The following RIMS2 variants were observed in gnomAD, a reference collection of about 807,000 sequenced individuals.
RIMS2 encodes the protein regulating synaptic membrane exocytosis 2.
RIMS2 carries 59 observed loss-of-function variants against 174.4 expected under a neutral mutation model. The observed-to-expected ratio is 0.34, with a 90% confidence interval of 0.27 to 0.42. RIMS2 has a LOEUF of 0.42. Among genes scored for constraint, RIMS2 ranks in the 10% least tolerant of loss-of-function variants. The pLI is 1.00. For missense variants in RIMS2, 1,620 were observed against 1,666.3 expected, an observed-to-expected ratio of 0.97 and a Z score of 0.48; for synonymous variants, 606 against 572.5, an observed-to-expected ratio of 1.06 and a Z score of -0.84.
chr8:103,726,945 G>T (rs1396714481), intron 2 of RIMS2, among the ~76,000 whole-genome samples: 1 of 151,178 alleles, frequency 6.6e-6, no homozygotes, highest in South Asian at 2.1e-4. Context: ...CACCATGTTG[G>T]CCAGGCTGAT....
At chr8:103,917,251 A>G (rs2076787745) in intron 8 of RIMS2, among the ~76,000 whole-genome samples, 1 of 152,162 alleles carries the variant, frequency 6.6e-6, no homozygotes, top group Non-Finnish European at 1.5e-5. Flanking sequence ...GCCTACAGAA[A>G]TCCTTTGTTG....
intron 19 of RIMS2, among the ~76,000 whole-genome samples, chr8:104,057,524 A>T (rs1431727790): frequency 6.6e-6 from 1 of 152,066 alleles, no homozygotes; most frequent in Non-Finnish European, 1.5e-5. Context: ...TAATCAACTT[A>T]TATCCAAAAT....
At chr8:104,212,663 CAA>C (rs142940948) in intron 19 of RIMS2, among the ~76,000 whole-genome samples, 224 of 152,272 alleles carry the variant, frequency 1.5e-3, no homozygotes, top group African/African-American at 5.0e-3. Context: ...TTTCTTTACT[CAA>C]GAGAACAGTA....
intron 2 of RIMS2, among the ~76,000 whole-genome samples, chr8:103,717,651 A>G (rs776785459): frequency 6.6e-6 from 1 of 152,194 alleles, no homozygotes; most frequent in Non-Finnish European, 1.5e-5. Flanking sequence ...TTTAGAAATG[A>G]CTTTTATGCA....
At chr8:103,526,628 T>A (rs1420320921) in intron 1 of RIMS2, among the ~76,000 whole-genome samples, 1 of 152,014 alleles carries the variant, frequency 6.6e-6, no homozygotes, top group Non-Finnish European at 1.5e-5. Context: ...AAAAAAGAAC[T>A]GAAAAAGGTA....
intron 19 of RIMS2, among the ~76,000 whole-genome samples, chr8:104,147,471 AAC>A (rs2098650971): frequency 6.6e-6 from 1 of 152,206 alleles, no homozygotes; most frequent in African/African-American, 2.4e-5. Flanking sequence ...TAGGATAGAA[AAC>A]ACTTTTTTTT....
At chr8:104,222,498 A>G (rs1214923730) in intron 19 of RIMS2, among the ~76,000 whole-genome samples, 1 of 152,188 alleles carries the variant, frequency 6.6e-6, no homozygotes, top group Non-Finnish European at 1.5e-5. Context: ...TTAGGACTGA[A>G]TAGTACCCTA....
At chr8:103,564,710 C>G (rs770870185) in intron 1 of RIMS2, among the ~76,000 whole-genome samples, 2 of 152,190 alleles carry the variant, frequency 1.3e-5, no homozygotes, top group Non-Finnish European at 2.9e-5. Context: ...CTGCTTTTAT[C>G]CTAGCTGTGC....
intron 15 of RIMS2, among the ~76,000 whole-genome samples, chr8:103,969,704 C>T (rs1011684585): frequency 1.3e-5 from 2 of 152,228 alleles, no homozygotes; most frequent in African/African-American, 4.8e-5. Flanking sequence ...CTGACACTTG[C>T]TCTTTTTATC....
intron 4 of RIMS2, among the ~76,000 whole-genome samples, chr8:103,889,396 G>GT (rs1463053938): frequency 4.0e-5 from 6 of 151,418 alleles, no homozygotes; most frequent in South Asian, 4.2e-4. Flanking sequence ...TTACTTTTCT[G>GT]TTTTTTTCAA....
chr8:104,112,806 C>A (rs1459929073), intron 19 of RIMS2, among the ~76,000 whole-genome samples: 8 of 152,174 alleles, frequency 5.3e-5, no homozygotes, highest in Non-Finnish European at 1.2e-4. Context: ...CACAGGTCCT[C>A]AGCAAATACC....
intron 15 of RIMS2, among the ~76,000 whole-genome samples, chr8:103,964,788 T>C (rs2091337189): frequency 6.6e-6 from 1 of 152,212 alleles, no homozygotes; most frequent in Non-Finnish European, 1.5e-5. Context: ...CTAGGAGTTT[T>C]ATTATTTTGC....
chr8:103,549,535 A>T (rs1846681830), intron 1 of RIMS2, among the ~76,000 whole-genome samples: 1 of 152,238 alleles, frequency 6.6e-6, no homozygotes, highest in African/African-American at 2.4e-5. Context: ...TGTAAAGCCC[A>T]TCAATGCTAG....
chr8:103,863,888 T>G (rs1002890599), intron 3 of RIMS2, among the ~76,000 whole-genome samples: 1 of 70,342 alleles, frequency 1.4e-5, no homozygotes, highest in East Asian at 2.7e-4. Flanking sequence ...AAGAACCAAG[T>G]TTTTTTTTTT....
intron 19 of RIMS2, among the ~76,000 whole-genome samples, chr8:104,110,531 C>T (rs557866968): frequency 6.6e-6 from 1 of 152,200 alleles, no homozygotes; most frequent in African/African-American, 2.4e-5. Flanking sequence ...GTAATTAAAA[C>T]ATTACATATT....
intron 19 of RIMS2, among the ~76,000 whole-genome samples, chr8:104,229,251 G>A (rs2099209424): frequency 6.6e-6 from 1 of 152,062 alleles, no homozygotes; most frequent in African/African-American, 2.4e-5. Context: ...AATGTTCTCT[G>A]CTATTATTAA....
chr8:104,249,152 C>G (rs2099350799), intron 21 of RIMS2, among the ~76,000 whole-genome samples: 1 of 151,776 alleles, frequency 6.6e-6, no homozygotes, highest in African/African-American at 2.4e-5. Context: ...AAGCTGGTCT[C>G]AAACTCCTGG....
At chr8:104,168,621 C>T (rs2098811892) in intron 19 of RIMS2, among the ~76,000 whole-genome samples, 1 of 152,040 alleles carries the variant, frequency 6.6e-6, no homozygotes. Context: ...TTGACTTCCT[C>T]TTTTCCAATT....
intron 19 of RIMS2, among the ~76,000 whole-genome samples, chr8:104,064,161 A>G (rs2097059603): frequency 6.6e-6 from 1 of 152,180 alleles, no homozygotes; most frequent in Non-Finnish European, 1.5e-5. Flanking sequence ...CACACTAAAT[A>G]GGCTTTTTAA....
Sources: gnomAD v4.1 joint callset for allele counts (sites outside exome capture counted in the v4.1 genomes callset) on GRCh38, gnomAD v4.1.1 for gene constraint, MANE v1.5 for transcripts, NCBI Gene and HGNC (gene_info 2026-07-23, HGNC 2026-07-21) for gene names.